TTBK2: variants seen among roughly 807,000 people sequenced by gnomAD.
The protein encoded by TTBK2 is tau-tubulin kinase 2.
A neutral mutation model predicts 110.8 loss-of-function variants in TTBK2; 28 were observed. The observed-to-expected ratio is 0.25, with a 90% CI of 0.19 to 0.35. The LOEUF is 0.35. Ranked by LOEUF, TTBK2 falls within the 10% of genes least tolerant of loss-of-function variation. The pLI is 1.00. For synonymous variants in TTBK2, 532 were observed against 527.3 expected, an observed-to-expected ratio of 1.01 and a Z score of -0.12; for missense variants, 1,369 against 1,500.3, an observed-to-expected ratio of 0.91 and a Z score of 1.45.
intron 7 of TTBK2, 103 bp downstream of exon 7, chr15:42,816,929 C>T (rs1892056325): frequency 9.2e-6 from 4 of 435,474 alleles, no homozygotes; most frequent in East Asian, 1.2e-4. Flanking sequence ...AACAAATATA[C>T]ATATATATAT....
intron 9 of TTBK2, chr15:42,800,135 G>T (rs1335406566): frequency 5.7e-6 from 2 of 351,988 alleles, no homozygotes; most frequent in African/African-American, 4.4e-5. Flanking sequence ...CAATTACTAT[G>T]TCAGGATAAT....
At chr15:42,772,038 C>A (rs1889701264) in intron 13 of TTBK2, among the ~76,000 whole-genome samples, 1 of 152,136 alleles carries the variant, frequency 6.6e-6, no homozygotes, top group African/African-American at 2.4e-5. Flanking sequence ...TGGTAGACAG[C>A]CTCTAAAATG....
intron 6 of TTBK2, among the ~76,000 whole-genome samples, chr15:42,824,793 T>C (rs1229501905): frequency 1.3e-5 from 2 of 151,964 alleles, no homozygotes; most frequent in Non-Finnish European, 2.9e-5. Context: ...GGTGATGAAA[T>C]ACTCTATATA....
rs369876689 is a variant in TTBK2, at chr15:42,745,834, G to A, written c.3696C>T (p.Pro1232=). The change falls in exon 15 of 15, where the codon CCC becomes CCT. Residue 1232 remains proline, a synonymous_variant. Coordinates refer to ENST00000267890, the MANE Select transcript of TTBK2 (RefSeq NM_173500.4). ...TACTGGCTGGCTTACTCTTCCCTTGGGGGGTTTTAGTGCTGGCTGAGTGGT... is the reference window on the plus strand; with the variant it reads ...TACTGGCTGGCTTACTCTTCCCTTGAGGGGTTTTAGTGCTGGCTGAGTGGT... The part of the protein sequence containing the change: ...LHHHSASTKT[P]QGKSKPASKL... 2 of 1,614,024 alleles carry A rather than the reference G, an allele frequency of 1.2e-6. No homozygotes were observed. Among genetic ancestry groups the A allele is most frequent in the Admixed American group, 1.7e-5 (1 of 59,998 alleles).
At position 42,833,936 on chromosome 15, in the gene TTBK2, G is replaced by A. The variant is rs180741716; in HGVS notation, c.292-3858C>T. On this transcript the variant is annotated intron_variant, in intron 4 of 14. Coordinates refer to ENST00000267890, the MANE Select transcript of TTBK2 (RefSeq NM_173500.4). Reference sequence around the variant, plus strand: ...TGAGGCAGGAGAATCACTTAAACCCGGGAGGTGGAGGTTGCAGTGAGCCGA... The same window carrying A: ...TGAGGCAGGAGAATCACTTAAACCCAGGAGGTGGAGGTTGCAGTGAGCCGA... Among the ~76,000 whole-genome samples the A allele has an allele frequency of 8.2e-4, 125 of 152,166 alleles. 2 individuals are homozygous for A. The highest frequency in any genetic ancestry group is 4.7e-3 in the Admixed American group (72 of 15,262).
intron 11 of TTBK2, 44 bp from the exon 12 acceptor site, chr15:42,777,286 A>G: frequency 1.3e-6 from 2 of 1,579,902 alleles, no homozygotes; most frequent in Non-Finnish European, 1.7e-6. Flanking sequence ...ATTCTAGGCA[A>G]CACACATGAG....
rs1171281029 is a variant in TTBK2, at chr15:42,745,963, C to T, written c.3567G>A (p.Lys1189=). The T allele has an allele frequency of 2.5e-6, 4 of 1,614,052 alleles. No homozygotes were observed. The Admixed American group carries it at 5.0e-5, about 20-fold the overall frequency. Residue 1189 remains lysine (K), a synonymous_variant, in exon 15 of 15, where the codon AAG becomes AAA. Coordinates refer to ENST00000267890, the MANE Select transcript of TTBK2 (RefSeq NM_173500.4). ...RSSSPHLGRS[K]SPPSHSGSSS... is the part of the protein sequence containing the mutation. Reference sequence around the variant, plus strand: ...AAGATCCTGAGTGGCTGGGAGGTGACTTGCTTCTCCCCAGATGTGGGGACG... The same window carrying T: ...AAGATCCTGAGTGGCTGGGAGGTGATTTGCTTCTCCCCAGATGTGGGGACG...
intron 9 of TTBK2, among the ~76,000 whole-genome samples, chr15:42,800,071 C>A (rs528971557): frequency 4.5e-4 from 69 of 151,850 alleles, no homozygotes; most frequent in African/African-American, 1.7e-3. Context: ...TGCACTCCAG[C>A]CTGGGTGACA....
At chr15:42,821,353 G>A (rs1380831613) in intron 6 of TTBK2, among the ~76,000 whole-genome samples, 1 of 152,096 alleles carries the variant, frequency 6.6e-6, no homozygotes, top group Non-Finnish European at 1.5e-5. Context: ...TTATTTCACT[G>A]TTAACTTTTT....
chr15:42,796,706 T>C lies in TTBK2; in HGVS notation c.823-1905A>G, dbSNP rs1334661242. On this transcript the variant is annotated intron_variant, in intron 9 of 14. Coordinates refer to ENST00000267890, the MANE Select transcript of TTBK2 (RefSeq NM_173500.4). ...AATTTCTCTTTCAACCCAGACTATA[T>C]GCTCCAAGATGCTGACATTAATCTG... Among the ~76,000 whole-genome samples, 4 of 152,362 alleles carry C rather than the reference T, an allele frequency of 2.6e-5. No individual in the cohort carries two copies. In the East Asian group the frequency reaches 7.7e-4, roughly 29 times the overall value.
At position 42,739,716 on chromosome 15, in the gene TTBK2, C is replaced by T. The variant is rs1285019203; in HGVS notation, c.*6079G>A. The T allele has an allele frequency of 1.3e-5, 2 of 152,206 alleles. No individual in the cohort carries two copies. Among genetic ancestry groups the T allele is most frequent in the Non-Finnish European group, 2.9e-5 (2 of 68,042 alleles). 9.4% of individuals were successfully genotyped at this position (152,206 alleles called of 1,614,324 possible). ...GGACTACTTTGGCTGATGAACAGTTCAAATAGAAGATTGTTTTGGAAAAAG... is the reference window on the plus strand; with the variant it reads ...GGACTACTTTGGCTGATGAACAGTTTAAATAGAAGATTGTTTTGGAAAAAG... On this transcript the variant is annotated 3_prime_UTR_variant, in exon 15 of 15. Coordinates refer to ENST00000267890, the MANE Select transcript of TTBK2 (RefSeq NM_173500.4).
At chr15:42,810,770 C>T (rs375609924) in intron 8 of TTBK2, 31 bp from the exon 9 acceptor site, 16 of 1,612,188 alleles carry the variant, frequency 9.9e-6, no homozygotes, top group Non-Finnish European at 1.4e-5. Context: ...GAGCTACAGT[C>T]AATTTCTCTT....
chr15:42,794,201 C>T (rs531922958), intron 10 of TTBK2, among the ~76,000 whole-genome samples: 6 of 151,786 alleles, frequency 4.0e-5, no homozygotes, highest in Non-Finnish European at 5.9e-5. Context: ...ACTAAGATCA[C>T]GGAAATAGAT....
intron 3 of TTBK2, among the ~76,000 whole-genome samples, chr15:42,841,169 G>A (rs1893203887): frequency 6.6e-6 from 1 of 152,162 alleles, no homozygotes; most frequent in African/African-American, 2.4e-5. Flanking sequence ...AGAATCTGTG[G>A]AGAAAGATAA....
At chr15:42,748,240 T>G (rs2061821507) in intron 14 of TTBK2, among the ~76,000 whole-genome samples, 1 of 152,104 alleles carries the variant, frequency 6.6e-6, no homozygotes, top group South Asian at 2.1e-4. Context: ...GTGGATAGCT[T>G]GAGGTCAGGA....
In TTBK2 at chr15:42,783,691, T is replaced by C; in HGVS notation, c.981-56A>G. The C allele has an allele frequency of 2.4e-6, 3 of 1,244,704 alleles. No individual in the cohort carries two copies. The South Asian group carries it at 3.6e-5, about 15-fold the overall frequency. The allele number at this position is 1,244,704 out of a possible 1,614,324, so 77.1% of individuals were successfully genotyped here. On this transcript the variant is annotated intron_variant, in intron 10 of 14. Transcript: ENST00000267890. ...AATCAAAAATTACTATGAGACTATCTTACATCATTTTATTTCTTCATTTAA... is the reference window on the plus strand; with the variant it reads ...AATCAAAAATTACTATGAGACTATCCTACATCATTTTATTTCTTCATTTAA...
At chr15:42,823,457 G>A (rs745314955) in intron 6 of TTBK2, among the ~76,000 whole-genome samples, 12 of 152,214 alleles carry the variant, frequency 7.9e-5, no homozygotes, top group South Asian at 2.1e-4. Flanking sequence ...AACCAACTTC[G>A]TAAACACCAC....
At chr15:42,917,703 G>T (rs1596059190) in intron 1 of TTBK2, among the ~76,000 whole-genome samples, 1 of 150,590 alleles carries the variant, frequency 6.6e-6, no homozygotes, top group South Asian at 2.1e-4. Flanking sequence ...AAAAGACTAG[G>T]AAATAAAACT....
At chr15:42,786,133 G>A (rs1451525546) in intron 10 of TTBK2, among the ~76,000 whole-genome samples, 3 of 150,170 alleles carry the variant, frequency 2.0e-5, no homozygotes, top group African/African-American at 2.5e-5. Flanking sequence ...AAAAAAGAAA[G>A]AAAAAAAAAA....
Sources: gnomAD v4.1 joint callset for allele counts (sites outside exome capture counted in the v4.1 genomes callset) on GRCh38, gnomAD v4.1.1 for gene constraint, MANE v1.5 for transcripts, NCBI Gene and HGNC (gene_info 2026-07-23, HGNC 2026-07-21) for gene names.